The following ASIC2 variants were observed in gnomAD, a reference collection of about 807,000 sequenced individuals.
The protein encoded by ASIC2 is acid-sensing ion channel 2.
Under a neutral mutation model 57.3 loss-of-function variants are expected in ASIC2, and 25 were observed. The observed-to-expected ratio is 0.44, with a 90% CI of 0.32 to 0.61. The LOEUF (loss-of-function observed/expected upper bound fraction) is 0.61, where lower values mean the gene tolerates loss of function less well. Ranked by LOEUF, ASIC2 falls within the 20% of genes least tolerant of loss-of-function variation. The pLI, the probability that ASIC2 is intolerant of heterozygous loss-of-function variation, is 0.06. For synonymous variants in ASIC2, 319 were observed against 307.5 expected, an observed-to-expected ratio of 1.04 and a Z score of -0.39; for missense variants, 641 against 738.1, an observed-to-expected ratio of 0.87 and a Z score of 1.52.
chr17:33,713,891 A>C (rs968647473), intron 1 of ASIC2, among the ~76,000 whole-genome samples: 1 of 152,252 alleles, frequency 6.6e-6, no homozygotes, highest in Non-Finnish European at 1.5e-5. Context: ...CAAAGACATC[A>C]AAGCAAACTA....
chr17:33,963,720 T>C (rs115131625), intron 1 of ASIC2, among the ~76,000 whole-genome samples: 2,480 of 152,292 alleles, frequency 0.016, 67 homozygotes, highest in African/African-American at 0.057. Context: ...AAACTCAGTA[T>C]GTCTTGTCAG....
intron 1 of ASIC2, among the ~76,000 whole-genome samples, chr17:33,478,945 C>T (rs1274513461): frequency 6.6e-6 from 1 of 152,274 alleles, no homozygotes; most frequent in East Asian, 1.9e-4. Context: ...CAAGATAATA[C>T]TGTTAGGAAG....
At chr17:33,129,681 T>A (rs1271906180) in intron 1 of ASIC2, among the ~76,000 whole-genome samples, 2 of 152,174 alleles carry the variant, frequency 1.3e-5, no homozygotes, top group South Asian at 2.1e-4. Context: ...GGCAGATGCA[T>A]CTGAATGTGT....
intron 1 of ASIC2, among the ~76,000 whole-genome samples, chr17:33,613,868 C>T (rs751862): frequency 0.51 from 77,881 of 151,974 alleles, 20,476 homozygotes; most frequent in African/African-American, 0.62. Flanking sequence ...ATGACCCCTA[C>T]TGAGGGACTC....
chr17:33,159,988 C>T (rs1213780734), intron 1 of ASIC2, among the ~76,000 whole-genome samples: 2 of 151,828 alleles, frequency 1.3e-5, no homozygotes, highest in South Asian at 2.1e-4. Flanking sequence ...GTGGGAGGAT[C>T]GCGTGAGCTC....
chr17:33,398,096 CTA>C (rs1910144960), intron 1 of ASIC2, among the ~76,000 whole-genome samples: 1 of 152,198 alleles, frequency 6.6e-6, no homozygotes, highest in Admixed American at 6.5e-5. Flanking sequence ...CTAACCGACT[CTA>C]TGTTTTTGTT....
chr17:33,198,779 C>A (rs866680121), intron 1 of ASIC2, among the ~76,000 whole-genome samples: 2 of 152,228 alleles, frequency 1.3e-5, no homozygotes, highest in Admixed American at 1.3e-4. Flanking sequence ...ATAAAGGTTT[C>A]TTCAAATGTC....
intron 1 of ASIC2, among the ~76,000 whole-genome samples, chr17:33,943,323 G>A (rs554084574): frequency 8.5e-5 from 13 of 152,300 alleles, no homozygotes; most frequent in African/African-American, 2.4e-4. Flanking sequence ...CCTCATGTCC[G>A]CACTTCATCT....
In ASIC2 at chr17:33,193,112, G is replaced by A. The variant is rs551202273; in HGVS notation, c.709-81045C>T. On this transcript the variant is annotated intron_variant, in intron 1 of 9. Transcript: ENST00000225823. ...AGTCCTTTAATGGCACCATTTACAT[G>A]TTAATGTTCTAATGACAAAGGTGTT... Among the ~76,000 whole-genome samples, 3 of 152,298 alleles carry A rather than the reference G, an allele frequency of 2.0e-5. 1 individual carries two copies. In the South Asian group the frequency reaches 6.2e-4, roughly 32 times the overall value.
At chr17:33,037,929 G>T (rs959950936) in intron 3 of ASIC2, among the ~76,000 whole-genome samples, 1 of 152,228 alleles carries the variant, frequency 6.6e-6, no homozygotes, top group Non-Finnish European at 1.5e-5. Context: ...GATGGGAAGA[G>T]AGAGAGATTC....
chr17:33,038,277 A>G (rs1254906909), intron 3 of ASIC2, among the ~76,000 whole-genome samples: 2 of 152,194 alleles, frequency 1.3e-5, no homozygotes, highest in South Asian at 2.1e-4. Flanking sequence ...CAAATATTCT[A>G]GCTCCACCTT....
chr17:34,131,616 T>G (rs1373468541), intron 1 of ASIC2, among the ~76,000 whole-genome samples: 1 of 152,242 alleles, frequency 6.6e-6, no homozygotes, highest in Admixed American at 6.5e-5. Context: ...TGTGGTCTGC[T>G]GACAGCAGGG....
chr17:33,894,356 T>A (rs554801355), intron 1 of ASIC2, among the ~76,000 whole-genome samples: 1 of 51,082 alleles, frequency 2.0e-5, no homozygotes, highest in Non-Finnish European at 4.3e-5. Context: ...CGTGCGTGTG[T>A]GTGTGTGTGT....
chr17:33,331,315 T>G (rs773641143), intron 1 of ASIC2, among the ~76,000 whole-genome samples: 2 of 152,158 alleles, frequency 1.3e-5, no homozygotes, highest in Non-Finnish European at 2.9e-5. Context: ...ACTACTAAAG[T>G]AGACGCTATT....
chr17:33,981,396 A>G (rs1905616936), intron 1 of ASIC2, among the ~76,000 whole-genome samples: 1 of 152,168 alleles, frequency 6.6e-6, no homozygotes, highest in African/African-American at 2.4e-5. Context: ...AGTTTACAAA[A>G]ACATTGATGA....
intron 1 of ASIC2, among the ~76,000 whole-genome samples, chr17:33,949,737 G>A (rs1046677299): frequency 3.9e-5 from 6 of 152,166 alleles, no homozygotes; most frequent in East Asian, 1.9e-4. Context: ...ATGTGGGATC[G>A]TGTTTGGTAC....
intron 1 of ASIC2, among the ~76,000 whole-genome samples, chr17:33,813,239 T>C (rs892073390): frequency 6.6e-6 from 1 of 152,032 alleles, no homozygotes. Flanking sequence ...ACTAGGGATA[T>C]TAGTGACATC....
intron 1 of ASIC2, among the ~76,000 whole-genome samples, chr17:33,140,051 A>C (rs1447378593): frequency 1.3e-5 from 2 of 152,248 alleles, no homozygotes; most frequent in Non-Finnish European, 2.9e-5. Flanking sequence ...CTGCATCAGC[A>C]CTACCTGGGG....
At position 33,418,921 on chromosome 17, in the gene ASIC2, G is replaced by T. The variant is rs188344878; in HGVS notation, c.556-306854C>A. On this transcript the variant is annotated intron_variant, in intron 1 of 9. Coordinates refer to the ASIC2 transcript ENST00000359872. ...GAATAATGAGAACACACGGACACGG[G>T]GGAGGGGAACATCACACACCGGGGC... Among the ~76,000 whole-genome samples, 288 of 151,488 alleles carry T rather than the reference G, an allele frequency of 1.9e-3. 1 individual carries two copies. Among genetic ancestry groups the T allele is most frequent in the African/African-American group, 6.5e-3 (266 of 41,160 alleles).
Sources: allele counts gnomAD v4.1 joint callset (sites outside exome capture counted in the v4.1 genomes callset), GRCh38; gene constraint gnomAD v4.1.1; transcripts MANE v1.5; gene names NCBI Gene and HGNC (gene_info 2026-07-23, HGNC 2026-07-21).